GDPD5: variants seen among roughly 807,000 people sequenced by gnomAD.
GDPD5 encodes glycerophosphodiester phosphodiesterase domain containing 5.
Under a neutral mutation model 75.1 loss-of-function variants are expected in GDPD5, and 48 were observed. That is an observed-to-expected ratio of 0.64 (90% CI 0.51 to 0.81). The LOEUF (loss-of-function observed/expected upper bound fraction) is 0.81, where lower values mean the gene tolerates loss of function less well. GDPD5 is among the 40% of genes least tolerant of loss of function. The probability of loss-of-function intolerance (pLI) is 0.00; values close to 1 mark genes in which losing one functional copy is unlikely to be tolerated. For synonymous variants in GDPD5, 336 were observed against 339.0 expected (o/e 0.99, Z 0.10); for missense variants, 706 against 822.6 (o/e 0.86, Z 1.73).
chr11:75,505,108 C>T (rs1483312065), intron 1 of GDPD5, among the ~76,000 whole-genome samples: 3 of 150,370 alleles, frequency 2.0e-5, no homozygotes, highest in Non-Finnish European at 1.5e-5. Context: ...GGTGACAGAG[C>T]GAGACTCCAT....
intron 2 of GDPD5, among the ~76,000 whole-genome samples, chr11:75,486,930 T>C (rs1047218346): frequency 3.9e-5 from 6 of 152,164 alleles, no homozygotes; most frequent in Non-Finnish European, 7.4e-5. Flanking sequence ...AGGGCAGTGA[T>C]TGGGGCTTCT....
In GDPD5 at chr11:75,462,036, A is replaced by C. The variant is rs1053904334; in HGVS notation, c.221+750T>G. ...TTTGGATCTGAGGTACCCACAAAGG[A>C]CCTTGAGCTGTCCCCAAACTCATCT... On this transcript the variant is annotated intron_variant, in intron 4 of 16. Coordinates refer to ENST00000336898, the MANE Select transcript of GDPD5 (RefSeq NM_030792.8). 2.9e-4 allele frequency among the ~76,000 whole-genome samples: 44 copies of C among 152,168 alleles called. 1 individual carries two copies. The highest frequency in any genetic ancestry group is 1.5e-5 in the Non-Finnish European group (1 of 68,026).
chr11:75,510,653 C>A lies in GDPD5; in HGVS notation c.-145+14557G>T, dbSNP rs138045006. 2.0e-4 allele frequency among the ~76,000 whole-genome samples: 30 copies of A among 151,936 alleles called. 1 individual carries two copies. In the East Asian group the frequency reaches 5.6e-3, roughly 29 times the overall value. Reference sequence around the variant, plus strand: ...TCCCAGCCACCTGGAGCCCATCCACCCCCACTCCCCCATCTCTTCTTCGCA... The same window carrying A: ...TCCCAGCCACCTGGAGCCCATCCACACCCACTCCCCCATCTCTTCTTCGCA... On this transcript the variant is annotated intron_variant, in intron 1 of 16. Transcript: ENST00000336898.
At chr11:75,446,021 C>CCCCAGT (rs1948978264) in intron 9 of GDPD5, among the ~76,000 whole-genome samples, 1 of 152,184 alleles carries the variant, frequency 6.6e-6, no homozygotes, top group Admixed American at 6.5e-5. Context: ...GTGAGGCACT[C>CCCCAGT]CCAGGGGAAG....
chr11:75,519,096 C>G lies in GDPD5; in HGVS notation c.-145+6114G>C, dbSNP rs546946373. Among the ~76,000 whole-genome samples the G allele has an allele frequency of 7.9e-5, 12 of 152,324 alleles. No individual in the cohort carries two copies. The East Asian group carries it at 2.3e-3, about 29-fold the overall frequency. On this transcript the variant is annotated intron_variant, in intron 1 of 16. Transcript: ENST00000336898. Reference sequence around the variant, plus strand: ...TCCTCCCCACCTGCCTTTCCGCCTTCCTCATGCCCTGAAAGCAGAATGTCA... The same window carrying G: ...TCCTCCCCACCTGCCTTTCCGCCTTGCTCATGCCCTGAAAGCAGAATGTCA...
At chr11:75,501,282 T>G (rs1026922813) in intron 1 of GDPD5, among the ~76,000 whole-genome samples, 1 of 152,218 alleles carries the variant, frequency 6.6e-6, no homozygotes. Context: ...CTGCCATTTA[T>G]GACAAGATAA....
chr11:75,440,092 C>A, intron 14 of GDPD5, 131 bp from the exon 15 acceptor site: 5 of 653,486 alleles, frequency 7.7e-6, no homozygotes, highest in South Asian at 1.9e-5. Context: ...CTGAGAGGGT[C>A]TGGGGGCTGA....
intron 1 of GDPD5, among the ~76,000 whole-genome samples, chr11:75,503,670 A>G (rs1950336764): frequency 6.6e-6 from 1 of 152,238 alleles, no homozygotes; most frequent in Non-Finnish European, 1.5e-5. Flanking sequence ...GCAAAAGCAG[A>G]GTGAGCTCCC....
intron 3 of GDPD5, among the ~76,000 whole-genome samples, chr11:75,463,302 C>T (rs375711322): frequency 4.6e-5 from 7 of 152,298 alleles, no homozygotes; most frequent in African/African-American, 1.4e-4. Context: ...CCCGTGCTAC[C>T]GAGAAAAACA....
chr11:75,482,846 G>A (rs940895435), intron 2 of GDPD5, among the ~76,000 whole-genome samples: 3 of 152,140 alleles, frequency 2.0e-5, no homozygotes, highest in Non-Finnish European at 2.9e-5. Flanking sequence ...TGAGAGCACC[G>A]TGGACATGCC....
intron 2 of GDPD5, among the ~76,000 whole-genome samples, chr11:75,481,937 T>C (rs1242715173): frequency 6.6e-6 from 1 of 152,042 alleles, no homozygotes; most frequent in Non-Finnish European, 1.5e-5. Flanking sequence ...TTGACTTCTA[T>C]AGGACACACA....
intron 1 of GDPD5, among the ~76,000 whole-genome samples, chr11:75,496,520 G>A (rs1172228036): frequency 1.3e-5 from 2 of 152,242 alleles, no homozygotes; most frequent in African/African-American, 2.4e-5. Context: ...GGATGACAGG[G>A]AGAACCAGTG....
intron 1 of GDPD5, among the ~76,000 whole-genome samples, chr11:75,511,063 T>C (rs1950509299): frequency 6.6e-6 from 1 of 152,236 alleles, no homozygotes; most frequent in Non-Finnish European, 1.5e-5. Flanking sequence ...TTAGATTGTC[T>C]TGGCATTTCC....
intron 1 of GDPD5, among the ~76,000 whole-genome samples, chr11:75,520,752 G>A (rs914685750): frequency 6.6e-6 from 1 of 152,240 alleles, no homozygotes; most frequent in Non-Finnish European, 1.5e-5. Flanking sequence ...GGTGCCCAGT[G>A]TGTGTTTGCC....
chr11:75,441,674 A>G lies in GDPD5; in HGVS notation c.1297T>C (p.Tyr433His). ...RGHIQRLNLR[Y>H]TQVSRQELRD... ...AGCTCCTGGCGGGACACCTGAGTGT[A>G]GCGCAGGTTCAGCCGCTGGATGTGG... The change falls in exon 13 of 17, where the codon TAC (tyrosine) becomes CAC (histidine). Residue 433 changes from tyrosine to histidine, a missense_variant. Physicochemically the swap from Tyr to His is moderately conservative, Grantham distance 83. Coordinates refer to ENST00000336898, the MANE Select transcript of GDPD5 (RefSeq NM_030792.8). 1 of 1,599,302 alleles carries G rather than the reference A, an allele frequency of 6.3e-7. No individual in the cohort carries two copies. Among genetic ancestry groups the G allele is most frequent in the Non-Finnish European group, 8.5e-7 (1 of 1,173,966 alleles).
At chr11:75,442,061 C>G (rs1948831277) in intron 12 of GDPD5, among the ~76,000 whole-genome samples, 1 of 152,268 alleles carries the variant, frequency 6.6e-6, no homozygotes, top group South Asian at 2.1e-4. Flanking sequence ...CACATGGCCA[C>G]TAGCACCTAG....
chr11:75,466,010 C>T (rs1424994752), intron 3 of GDPD5, among the ~76,000 whole-genome samples: 1 of 152,206 alleles, frequency 6.6e-6, no homozygotes, highest in Non-Finnish European at 1.5e-5. Context: ...CCATTGTCCT[C>T]AAGTGTCCAG....
At chr11:75,509,966 T>C (rs1275518882) in intron 1 of GDPD5, among the ~76,000 whole-genome samples, 3 of 152,184 alleles carry the variant, frequency 2.0e-5, no homozygotes, top group Non-Finnish European at 4.4e-5. Flanking sequence ...AGGCATGAGC[T>C]ACCACACCTG....
intron 3 of GDPD5, among the ~76,000 whole-genome samples, chr11:75,466,460 C>G (rs1040830512): frequency 3.3e-5 from 5 of 152,136 alleles, no homozygotes; most frequent in Non-Finnish European, 7.4e-5. Flanking sequence ...CTTGTCAGGG[C>G]ACATTACAGC....
Sources: gnomAD v4.1 joint callset for allele counts (sites outside exome capture counted in the v4.1 genomes callset) on GRCh38, gnomAD v4.1.1 for gene constraint, MANE v1.5 for transcripts, NCBI Gene and HGNC (gene_info 2026-07-23, HGNC 2026-07-21) for gene names.